CDH18: variants seen among roughly 807,000 people sequenced by gnomAD.
The protein encoded by CDH18 is cadherin 18, also known as cadherin-18.
CDH18 carries 31 observed loss-of-function variants against 67.9 expected under a neutral mutation model. The ratio of observed to expected loss-of-function variants is 0.46; its 90% CI spans 0.34 to 0.62. CDH18 has a LOEUF of 0.62. Among genes scored for constraint, CDH18 ranks in the 20% least tolerant of loss-of-function variants. The probability of loss-of-function intolerance (pLI) is 0.01; values close to 1 mark genes in which losing one functional copy is unlikely to be tolerated. For missense variants in CDH18, 890 were observed against 975.5 expected (o/e 0.91, Z 1.17); for synonymous variants, 362 against 347.2 (o/e 1.04, Z -0.48).
intron 1 of CDH18, among the ~76,000 whole-genome samples, chr5:20,486,547 A>G (rs1488425900): frequency 6.6e-6 from 1 of 152,044 alleles, no homozygotes; most frequent in Non-Finnish European, 1.5e-5. Flanking sequence ...GATTAGCTGT[A>G]ACCCAGACCT....
chr5:19,536,203 AC>A (rs140862817), intron 9 of CDH18, among the ~76,000 whole-genome samples: 2,944 of 152,328 alleles, frequency 0.019, 78 homozygotes, highest in African/African-American at 0.066. Context: ...AAAAAATACT[AC>A]AATGAAATGC....
chr5:20,562,370 G>A (rs1758269230), intron 1 of CDH18, among the ~76,000 whole-genome samples: 1 of 151,608 alleles, frequency 6.6e-6, no homozygotes, highest in South Asian at 2.1e-4. Context: ...CAGAACATGA[G>A]AATATTTGAG....
At chr5:19,671,425 C>T (rs189854206) in intron 5 of CDH18, among the ~76,000 whole-genome samples, 6 of 152,156 alleles carry the variant, frequency 3.9e-5, no homozygotes, top group East Asian at 1.9e-4. Context: ...TTAAAAGATG[C>T]TTTTTCATTT....
Position 20,486,681 on chromosome 5 carries a change from G to GTATATATATATA in CDH18, c.-580+88769_-580+88780dup, listed in dbSNP as rs750113034. Among the ~76,000 whole-genome samples, 58 of 122,596 alleles carry GTATATATATATA rather than the reference G, an allele frequency of 4.7e-4. 1 individual carries two copies. Among genetic ancestry groups the GTATATATATATA allele is most frequent in the Middle Eastern group, 4.2e-3 (1 of 238 alleles). 80.4% of individuals were successfully genotyped at this position (122,596 alleles called of 152,430 possible). ...AGTTGTTTTACCTGTTGCTATTTTT[G>GTATATATATATA]TATATATATATATATATACATATAT... On this transcript the variant is annotated intron_variant, in intron 1 of 14. Transcript: ENST00000507958.
At chr5:19,739,790 G>A (rs1050704924) in intron 4 of CDH18, among the ~76,000 whole-genome samples, 1 of 152,136 alleles carries the variant, frequency 6.6e-6, no homozygotes, top group African/African-American at 2.4e-5. Flanking sequence ...TTATGCCCCA[G>A]GGTAATGATT....
At chr5:20,104,184 CT>C (rs1193998732) in intron 2 of CDH18, among the ~76,000 whole-genome samples, 4 of 151,132 alleles carry the variant, frequency 2.6e-5, no homozygotes, top group Non-Finnish European at 5.9e-5. Flanking sequence ...TATTTAAATC[CT>C]TTTTTTGGTC....
intron 2 of CDH18, among the ~76,000 whole-genome samples, chr5:20,083,084 G>T (rs1347503509): frequency 2.0e-5 from 3 of 152,150 alleles, no homozygotes; most frequent in African/African-American, 7.2e-5. Context: ...CCAACAGGTG[G>T]GGTACAATGA....
chr5:19,895,346 C>T (rs970664871), intron 2 of CDH18, among the ~76,000 whole-genome samples: 1 of 152,062 alleles, frequency 6.6e-6, no homozygotes, highest in Admixed American at 6.6e-5. Flanking sequence ...TAAGGTCATA[C>T]TTTTTATAAA....
chr5:19,893,300 A>T (rs1378305513), intron 2 of CDH18, among the ~76,000 whole-genome samples: 1 of 152,196 alleles, frequency 6.6e-6, no homozygotes, highest in African/African-American at 2.4e-5. Flanking sequence ...ACAATATAAA[A>T]TATATTTGTG....
chr5:19,834,709 T>G (rs1420970484), intron 3 of CDH18, among the ~76,000 whole-genome samples: 1 of 152,146 alleles, frequency 6.6e-6, no homozygotes, highest in Non-Finnish European at 1.5e-5. Flanking sequence ...GTCCCAGAGA[T>G]TCTGGTGTGT....
At chr5:19,495,375 G>A (rs544488200) in intron 11 of CDH18, among the ~76,000 whole-genome samples, 1 of 152,088 alleles carries the variant, frequency 6.6e-6, no homozygotes, top group East Asian at 1.9e-4. Context: ...ATAAAATGTA[G>A]GTCTAGGTAA....
rs1540749 is a variant in CDH18 at position 19,930,407 on chromosome 5, A to G, written c.-257+50653T>C. Reference sequence around the variant, plus strand: ...AGAAAAAGGTGAAAAGAGAAGAAAAATGACTTGGAGATGGAAATAACCATT... The same window carrying G: ...AGAAAAAGGTGAAAAGAGAAGAAAAGTGACTTGGAGATGGAAATAACCATT... On this transcript the variant is annotated intron_variant, in intron 2 of 12. Coordinates refer to ENST00000382275, the MANE Select transcript of CDH18 (RefSeq NM_004934.5). Among the ~76,000 whole-genome samples the G allele has an allele frequency of 2.2e-3, 342 of 152,202 alleles. 3 individuals are homozygous for G. The highest frequency in any genetic ancestry group is 3.3e-3 in the Non-Finnish European group (221 of 67,988).
rs370799353 is a variant in CDH18, at chr5:19,972,911, CG to C, written c.-257+8148del. On this transcript the variant is annotated intron_variant, in intron 2 of 12. Coordinates refer to ENST00000382275, the MANE Select transcript of CDH18 (RefSeq NM_004934.5). ...ATAGTAAATACAACAGTAAATATAC[CG>C]TAAATTATCCATTCTACTACTGAAG... is the stretch of plus-strand genomic sequence containing the variant. 6.0e-4 allele frequency among the ~76,000 whole-genome samples: 91 copies of C among 151,688 alleles called. No individual in the cohort carries two copies. In the South Asian group the frequency reaches 0.016, roughly 27 times the overall value.
At chr5:20,344,304 C>A (rs1740524195) in intron 1 of CDH18, among the ~76,000 whole-genome samples, 1 of 152,128 alleles carries the variant, frequency 6.6e-6, no homozygotes, top group African/African-American at 2.4e-5. Flanking sequence ...CCTCAACAGA[C>A]AGCTTCTCTC....
intron 1 of CDH18, among the ~76,000 whole-genome samples, chr5:20,536,199 A>G (rs1756705625): frequency 6.6e-6 from 1 of 152,122 alleles, no homozygotes; most frequent in Non-Finnish European, 1.5e-5. Flanking sequence ...TAATATAATA[A>G]CCAATTGATC....
At chr5:19,604,699 G>A (rs1372620961) in intron 6 of CDH18, among the ~76,000 whole-genome samples, 1 of 151,928 alleles carries the variant, frequency 6.6e-6, no homozygotes, top group Non-Finnish European at 1.5e-5. Flanking sequence ...AAGTACTACT[G>A]CCATTTGAAT....
intron 2 of CDH18, among the ~76,000 whole-genome samples, chr5:20,058,223 C>A (rs1045393076): frequency 2.0e-5 from 3 of 151,896 alleles, no homozygotes; most frequent in African/African-American, 7.2e-5. Flanking sequence ...TATCTTTAAG[C>A]ACAAAAAAGG....
intron 2 of CDH18, among the ~76,000 whole-genome samples, chr5:19,904,946 G>A (rs1439349332): frequency 1.3e-5 from 2 of 152,142 alleles, no homozygotes; most frequent in Non-Finnish European, 2.9e-5. Context: ...AGTCTTAAAT[G>A]CATGTCTGAG....
At chr5:20,516,572 A>G (rs1160940936) in intron 1 of CDH18, among the ~76,000 whole-genome samples, 1 of 151,950 alleles carries the variant, frequency 6.6e-6, no homozygotes, top group Non-Finnish European at 1.5e-5. Context: ...TGCAAGCAGT[A>G]TCTGGGATAA....
Sources: allele counts gnomAD v4.1 joint callset (sites outside exome capture counted in the v4.1 genomes callset), GRCh38; gene constraint gnomAD v4.1.1; transcripts MANE v1.5; gene names NCBI Gene and HGNC (gene_info 2026-07-23, HGNC 2026-07-21).